FSTL5: variants seen among roughly 807,000 people sequenced by gnomAD.
FSTL5 encodes follistatin-related protein 5.
FSTL5 carries 62 observed loss-of-function variants against 89.1 expected under a neutral mutation model. The observed-to-expected ratio is 0.70, with a 90% CI of 0.57 to 0.86. The LOEUF (loss-of-function observed/expected upper bound fraction) is 0.86. Ranked by LOEUF, FSTL5 falls within the 40% of genes least tolerant of loss-of-function variation. The pLI, the probability that FSTL5 is intolerant of heterozygous loss-of-function variation, is 0.00. For missense variants in FSTL5, 1,057 were observed against 1,001.6 expected (o/e 1.06, Z -0.75); for synonymous variants, 383 against 346.2 (o/e 1.11, Z -1.18).
At chr4:161,848,553 T>C (rs1731449481) in intron 4 of FSTL5, among the ~76,000 whole-genome samples, 1 of 152,336 alleles carries the variant, frequency 6.6e-6, no homozygotes, top group East Asian at 1.9e-4. Context: ...TATATTATGC[T>C]GCATATTTGC....
chr4:161,386,542 G>T (rs1730653879), intron 15 of FSTL5, 93 bp from the exon 16 acceptor site: 2 of 805,798 alleles, frequency 2.5e-6, no homozygotes, highest in Admixed American at 2.9e-5. Flanking sequence ...TCCATCGCAG[G>T]CTCTAATTGT....
rs1344594465 is a variant in FSTL5 at position 161,733,771 on chromosome 4, T to A, written c.727+25640A>T. Reference sequence around the variant, plus strand: ...TTAGTACAATTATGAAATATTTTACTGTATTTACTTACTTTTATAATCAAA... The same window carrying A: ...TTAGTACAATTATGAAATATTTTACAGTATTTACTTACTTTTATAATCAAA... On this transcript the variant is annotated intron_variant, in intron 6 of 15. Coordinates refer to ENST00000306100, the MANE Select transcript of FSTL5 (RefSeq NM_020116.5). 2.0e-5 allele frequency among the ~76,000 whole-genome samples: 3 copies of A among 152,114 alleles called. No individual in the cohort carries two copies. The East Asian group carries it at 5.8e-4, about 29-fold the overall frequency.
At chr4:161,452,598 T>A (rs1290213974) in intron 15 of FSTL5, among the ~76,000 whole-genome samples, 1 of 152,212 alleles carries the variant, frequency 6.6e-6, no homozygotes, top group Non-Finnish European at 1.5e-5. Context: ...AGTTAACAGT[T>A]TATTTTTGGA....
chr4:161,893,402 A>G lies in FSTL5; in HGVS notation c.409+27002T>C, dbSNP rs181443438. ...TTTTCAAGTTCTATATTCCATTCTAATATTTTAAACTTGTCATCTTACCAT... is the reference window on the plus strand; with the variant it reads ...TTTTCAAGTTCTATATTCCATTCTAGTATTTTAAACTTGTCATCTTACCAT... On this transcript the variant is annotated intron_variant, in intron 4 of 15. Transcript: ENST00000306100. Among the ~76,000 whole-genome samples, 5 of 152,228 alleles carry G rather than the reference A, an allele frequency of 3.3e-5. No homozygotes were observed. In the East Asian group the frequency reaches 9.6e-4, roughly 29 times the overall value.
At chr4:161,421,298 G>A (rs935215572) in intron 15 of FSTL5, among the ~76,000 whole-genome samples, 11 of 149,790 alleles carry the variant, frequency 7.3e-5, no homozygotes, top group South Asian at 4.2e-4. Context: ...CCAAGATCGC[G>A]CCACTGCACT....
At chr4:161,783,915 A>G (rs1579090204) in intron 4 of FSTL5, among the ~76,000 whole-genome samples, 1 of 148,550 alleles carries the variant, frequency 6.7e-6, no homozygotes, top group South Asian at 2.1e-4. Context: ...ACAGGTGTGT[A>G]CCACCATGCC....
chr4:161,942,218 G>C lies in FSTL5; in HGVS notation c.161-21566C>G, dbSNP rs551876806. On this transcript the variant is annotated intron_variant, in intron 3 of 15. Transcript: ENST00000306100. ...TCAATAATCTAACTATACACCTTAAGAAACTAGAAAAAGCAAAACAAAACC... is the reference window on the plus strand; with the variant it reads ...TCAATAATCTAACTATACACCTTAACAAACTAGAAAAAGCAAAACAAAACC... Among the ~76,000 whole-genome samples, 37 of 150,696 alleles carry C rather than the reference G, an allele frequency of 2.5e-4. No homozygotes were observed. The East Asian group carries it at 5.1e-3, about 21-fold the overall frequency.
chr4:161,937,717 C>A (rs886844985), intron 3 of FSTL5, among the ~76,000 whole-genome samples: 3 of 152,118 alleles, frequency 2.0e-5, no homozygotes, highest in African/African-American at 7.2e-5. Flanking sequence ...GCTACCAATA[C>A]ATTTTTCTCC....
chr4:161,756,050 A>T (rs1740556844), intron 6 of FSTL5, among the ~76,000 whole-genome samples: 1 of 152,034 alleles, frequency 6.6e-6, no homozygotes, highest in Non-Finnish European at 1.5e-5. Flanking sequence ...TCTCTGAGGG[A>T]TCATTATATA....
At chr4:162,094,179 G>A (rs1408823612) in intron 2 of FSTL5, among the ~76,000 whole-genome samples, 1 of 152,068 alleles carries the variant, frequency 6.6e-6, no homozygotes, top group East Asian at 1.9e-4. Flanking sequence ...ACAAAGTCAA[G>A]AGATTGAGAC....
Position 161,385,470 on chromosome 4 carries a change from A to G in FSTL5, c.*277T>C, listed in dbSNP as rs1730586690. The G allele has an allele frequency of 3.2e-6, 1 of 310,708 alleles. No individual in the cohort carries two copies. The highest frequency in any genetic ancestry group is 9.2e-5 in the South Asian group (1 of 10,850). 19.2% of individuals were successfully genotyped at this position (310,708 alleles called of 1,614,324 possible). A position where few individuals can be genotyped will look rare whatever the true frequency, so the allele number is the denominator to read the frequency against. On this transcript the variant is annotated 3_prime_UTR_variant, in exon 16 of 16. Coordinates refer to ENST00000306100, the MANE Select transcript of FSTL5 (RefSeq NM_020116.5). ...CAGTTTAGTTTTTTAAATGATTTAAATCCTACTTTATTGTTTAAAGCATAA... is the reference window on the plus strand; with the variant it reads ...CAGTTTAGTTTTTTAAATGATTTAAGTCCTACTTTATTGTTTAAAGCATAA...
At chr4:161,785,135 G>A (rs1306056896) in intron 4 of FSTL5, among the ~76,000 whole-genome samples, 1 of 152,068 alleles carries the variant, frequency 6.6e-6, no homozygotes, top group African/African-American at 2.4e-5. Context: ...TCGACTTTAC[G>A]TGAAGATCTG....
At chr4:161,706,461 C>A (rs1343514593) in intron 6 of FSTL5, among the ~76,000 whole-genome samples, 1 of 151,966 alleles carries the variant, frequency 6.6e-6, no homozygotes, top group Non-Finnish European at 1.5e-5. Flanking sequence ...ATTATCCACT[C>A]TTGCAGAAGT....
intron 6 of FSTL5, among the ~76,000 whole-genome samples, chr4:161,758,340 A>T (rs1253279772): frequency 6.6e-6 from 1 of 152,164 alleles, no homozygotes; most frequent in Non-Finnish European, 1.5e-5. Context: ...TGAAAAAAAA[A>T]TGGAAATTTT....
chr4:161,739,169 G>A (rs998362144), intron 6 of FSTL5, among the ~76,000 whole-genome samples: 1 of 152,156 alleles, frequency 6.6e-6, no homozygotes, highest in African/African-American at 2.4e-5. Flanking sequence ...GAACAGTGTT[G>A]CTGCAGAAGT....
rs571112567 is a variant in FSTL5 at position 161,860,148 on chromosome 4, C to A, written c.409+60256G>T. Among the ~76,000 whole-genome samples the A allele has an allele frequency of 7.2e-5, 11 of 152,004 alleles. No homozygotes were observed. In the South Asian group the frequency reaches 2.3e-3, roughly 32 times the overall value. ...CTAAAAATACAAAAAATTAGCCGGG[C>A]GTGGTGGCGGGCGCCTGTAGTCCCA... On this transcript the variant is annotated intron_variant, in intron 4 of 15. Transcript: ENST00000306100.
At chr4:161,811,061 T>C (rs1369125) in intron 4 of FSTL5, among the ~76,000 whole-genome samples, 113,137 of 152,090 alleles carry the variant, frequency 0.74, 42,096 homozygotes, top group Admixed American at 0.77. Flanking sequence ...TTATTATAGA[T>C]AGTGACTATA....
chr4:161,455,152 G>T, intron 14 of FSTL5, 24 bp from the exon 15 acceptor site: 1 of 1,559,508 alleles, frequency 6.4e-7, no homozygotes. Context: ...ACCTTGGTTA[G>T]ACCTCAACAA....
intron 1 of FSTL5, among the ~76,000 whole-genome samples, chr4:162,128,923 T>C (rs997926272): frequency 8.3e-6 from 1 of 120,926 alleles, no homozygotes; most frequent in African/African-American, 3.5e-5. Flanking sequence ...TTTGAGACTT[T>C]TTTTTTTTTT....
Sources: gnomAD v4.1 joint callset for allele counts (sites outside exome capture counted in the v4.1 genomes callset) on GRCh38, gnomAD v4.1.1 for gene constraint, MANE v1.5 for transcripts, NCBI Gene and HGNC (gene_info 2026-07-23, HGNC 2026-07-21) for gene names.